TCF12: variants seen among roughly 807,000 people sequenced by gnomAD.
The protein encoded by TCF12 is DNA-binding protein HTF4.
Under a neutral mutation model 86.0 loss-of-function variants are expected in TCF12, and 45 were observed. The ratio of observed to expected loss-of-function variants is 0.52; its 90% CI spans 0.41 to 0.67. The LOEUF (loss-of-function observed/expected upper bound fraction) is 0.67. TCF12 is among the 30% of genes least tolerant of loss of function. The probability of loss-of-function intolerance (pLI) is 0.00; values close to 1 mark genes in which losing one functional copy is unlikely to be tolerated. For missense variants in TCF12, 881 were observed against 859.9 expected, an observed-to-expected ratio of 1.02 and a Z score of -0.31; for synonymous variants, 330 against 299.6, an observed-to-expected ratio of 1.10 and a Z score of -1.05.
At chr15:57,272,989 A>G (rs2061213664) in intron 18 of TCF12, 41 bp from the exon 19 acceptor site, 2 of 1,573,284 alleles carry the variant, frequency 1.3e-6, no homozygotes, top group African/African-American at 2.7e-5. Flanking sequence ...ATCTTACTTT[A>G]TAGGAAACCT....
intron 3 of TCF12, among the ~76,000 whole-genome samples, chr15:57,014,482 T>TC (rs1477348028): frequency 6.6e-6 from 1 of 152,254 alleles, no homozygotes; most frequent in East Asian, 1.9e-4. Flanking sequence ...AGCAGTTTGG[T>TC]CCCTTGAATG....
intron 4 of TCF12, among the ~76,000 whole-genome samples, chr15:57,091,276 G>GT (rs1226097546): frequency 6.6e-6 from 1 of 152,106 alleles, no homozygotes; most frequent in Non-Finnish European, 1.5e-5. Context: ...TTGTGAATTA[G>GT]TTTTAGTATT....
At chr15:57,111,646 T>C (rs2151233647) in intron 5 of TCF12, among the ~76,000 whole-genome samples, 1 of 150,370 alleles carries the variant, frequency 6.7e-6, no homozygotes, top group East Asian at 2.0e-4. Context: ...GGCTACAGTG[T>C]AGTGGCTCAG....
intron 18 of TCF12, among the ~76,000 whole-genome samples, chr15:57,268,908 T>C (rs1453336125): frequency 6.6e-6 from 1 of 152,158 alleles, no homozygotes; most frequent in Non-Finnish European, 1.5e-5. Context: ...ATTTGTGTTA[T>C]TTTACATTTG....
intron 8 of TCF12, among the ~76,000 whole-genome samples, chr15:57,223,461 G>A (rs1388788321): frequency 6.6e-6 from 1 of 151,958 alleles, no homozygotes; most frequent in Non-Finnish European, 1.5e-5. Context: ...TGCATGTGTG[G>A]TCAGAGTAAC....
chr15:56,923,443 G>T (rs1463446257), intron 3 of TCF12, among the ~76,000 whole-genome samples: 1 of 152,038 alleles, frequency 6.6e-6, no homozygotes, highest in African/African-American at 2.4e-5. Flanking sequence ...CTTCATCAGG[G>T]TGTTAAAATT....
intron 12 of TCF12, among the ~76,000 whole-genome samples, chr15:57,239,559 A>G (rs1380407439): frequency 6.6e-6 from 1 of 151,386 alleles, no homozygotes; most frequent in East Asian, 1.9e-4. Flanking sequence ...GTTCAGGGCA[A>G]TTATGTATAG....
intron 18 of TCF12, among the ~76,000 whole-genome samples, chr15:57,271,485 A>G (rs1265410202): frequency 6.6e-6 from 1 of 152,216 alleles, no homozygotes; most frequent in Non-Finnish European, 1.5e-5. Flanking sequence ...TCCTCCAGGT[A>G]CAGTCACTCA....
intron 4 of TCF12, among the ~76,000 whole-genome samples, chr15:57,069,438 C>G (rs956224598): frequency 3.9e-5 from 6 of 152,180 alleles, no homozygotes; most frequent in African/African-American, 1.4e-4. Flanking sequence ...GTTTTCTCTT[C>G]TGTCTGTATT....
chr15:57,188,637 A>G (rs1468126733), intron 6 of TCF12, among the ~76,000 whole-genome samples: 1 of 152,192 alleles, frequency 6.6e-6, no homozygotes, highest in Non-Finnish European at 1.5e-5. Flanking sequence ...AAGTAAACCT[A>G]AACATCTATG....
intron 3 of TCF12, among the ~76,000 whole-genome samples, chr15:56,967,492 TCTC>T (rs1364255258): frequency 2.6e-5 from 4 of 152,178 alleles, no homozygotes; most frequent in African/African-American, 4.8e-5. Flanking sequence ...TCTGGCTCCT[TCTC>T]CTTCTTCTGT....
chr15:57,245,361 C>T (rs544967420), intron 13 of TCF12, among the ~76,000 whole-genome samples: 1 of 152,350 alleles, frequency 6.6e-6, no homozygotes, highest in East Asian at 1.9e-4. Context: ...GACCCATTGA[C>T]TTAAAGATGT....
chr15:57,090,688 A>G (rs1168096272), intron 4 of TCF12, among the ~76,000 whole-genome samples: 1 of 152,052 alleles, frequency 6.6e-6, no homozygotes, highest in Admixed American at 6.6e-5. Context: ...TCAGTGATTG[A>G]TGATTTTTTT....
chr15:57,106,074 A>G (rs1168342575), intron 5 of TCF12, among the ~76,000 whole-genome samples: 3 of 152,224 alleles, frequency 2.0e-5, no homozygotes, highest in East Asian at 1.9e-4. Flanking sequence ...CTTCAGAGTC[A>G]TATCCTTAGG....
In TCF12 at chr15:56,954,429, A is replaced by G. The variant is rs571809689; in HGVS notation, c.148+33331A>G. Reference sequence around the variant, plus strand: ...TTGTCCAAAAATTAATTCAAGATGGATTAAAGACTTAAATATTAGACCTAA... The same window carrying G: ...TTGTCCAAAAATTAATTCAAGATGGGTTAAAGACTTAAATATTAGACCTAA... On this transcript the variant is annotated intron_variant, in intron 3 of 20. Transcript: ENST00000333725. Among the ~76,000 whole-genome samples, 163 of 152,326 alleles carry G rather than the reference A, an allele frequency of 1.1e-3. 1 individual carries two copies. Among genetic ancestry groups the G allele is most frequent in the African/African-American group, 3.8e-3 (156 of 41,580 alleles).
chr15:57,142,794 A>T (rs1287777287), intron 5 of TCF12, among the ~76,000 whole-genome samples: 3 of 152,164 alleles, frequency 2.0e-5, no homozygotes, highest in Non-Finnish European at 4.4e-5. Flanking sequence ...CACCTAACAG[A>T]GTGCATTGAG....
intron 19 of TCF12, chr15:57,282,069 C>T (rs1304285772): frequency 3.6e-6 from 1 of 274,696 alleles, no homozygotes; most frequent in Non-Finnish European, 7.0e-6. Flanking sequence ...GTGTCTCTCT[C>T]TAAGTACAAG....
chr15:57,133,032 G>A (rs1211150180), intron 5 of TCF12, among the ~76,000 whole-genome samples: 2 of 152,134 alleles, frequency 1.3e-5, no homozygotes, highest in South Asian at 2.1e-4. Context: ...TTCAGTTTTA[G>A]CTAGGTTATT....
rs531965777 is a variant in TCF12 at position 57,050,187 on chromosome 15, G to T, written c.149-13563G>T. ...TGTAGTTTCTGCTTTGAACAATCAC[G>T]TGCATTTTAAAGAAAATAGAGGATA... On this transcript the variant is annotated intron_variant, in intron 3 of 20. Transcript: ENST00000333725. Among the ~76,000 whole-genome samples the T allele has an allele frequency of 7.9e-5, 12 of 152,164 alleles. No homozygotes were observed. The South Asian group carries it at 2.3e-3, about 29-fold the overall frequency.
Sources: gnomAD v4.1 joint callset for allele counts (sites outside exome capture counted in the v4.1 genomes callset) on GRCh38, gnomAD v4.1.1 for gene constraint, MANE v1.5 for transcripts, NCBI Gene and HGNC (gene_info 2026-07-23, HGNC 2026-07-21) for gene names.